Variants in CADM4 observed in about 807,000 individuals in gnomAD.
CADM4 encodes the protein TSLC1-like 2.
CADM4 carries 13 observed loss-of-function variants against 43.9 expected under a neutral mutation model. The observed-to-expected ratio is 0.30, with a 90% CI of 0.19 to 0.47. The LOEUF (loss-of-function observed/expected upper bound fraction) is 0.47. CADM4 is among the 20% of genes least tolerant of loss of function. CADM4 has a pLI of 1.00. For synonymous variants in CADM4, 209 were observed against 220.9 expected (o/e 0.95, Z 0.48); for missense variants, 420 against 527.0 (o/e 0.80, Z 1.99).
intron 1 of CADM4, among the ~76,000 whole-genome samples, chr19:43,638,010 A>G (rs1309275398): frequency 6.6e-6 from 1 of 152,216 alleles, no homozygotes; most frequent in Non-Finnish European, 1.5e-5. Context: ...CCTAAAAAAT[A>G]AAGATAAATT....
intron 1 of CADM4, among the ~76,000 whole-genome samples, chr19:43,638,948 TAG>T (rs1464739681): frequency 1.3e-5 from 2 of 150,748 alleles, no homozygotes; most frequent in Non-Finnish European, 3.0e-5. Flanking sequence ...GCTGTAAGCG[TAG>T]AGAGAGGAGG....
At chr19:43,634,019 G>T (rs906183791) in intron 1 of CADM4, among the ~76,000 whole-genome samples, 1 of 152,026 alleles carries the variant, frequency 6.6e-6, no homozygotes, top group Non-Finnish European at 1.5e-5. Context: ...ATTTCAGCCC[G>T]ACAACTTTGT....
intron 1 of CADM4, among the ~76,000 whole-genome samples, chr19:43,636,684 G>A (rs1374301996): frequency 6.7e-6 from 1 of 148,298 alleles, no homozygotes; most frequent in Non-Finnish European, 1.5e-5. Flanking sequence ...CATTAACCCA[G>A]CCTTAGGCCC....
chr19:43,626,422 C>T lies in CADM4; in HGVS notation c.500-134G>A, dbSNP rs12984887. On this transcript the variant is annotated intron_variant, in intron 4 of 8. Transcript: ENST00000222374. This position sits in a 1 kb window ranked among gnomAD's most constrained non-coding sequence, Gnocchi z 5.9. ...CAGGCCCCGCCTCTTGTCCTCCAAG[C>T]TACGCCCCTCCCCTAACCAAGCCCA... is the stretch of plus-strand genomic sequence containing the variant. 8.9e-7 allele frequency: 1 copy of T among 1,121,600 alleles called. No homozygotes were observed. Among genetic ancestry groups the T allele is most frequent in the African/African-American group, 1.5e-5 (1 of 65,186 alleles). The allele number at this position is 1,121,600 out of a possible 1,614,324, so 69.5% of individuals were successfully genotyped here.
intron 1 of CADM4, among the ~76,000 whole-genome samples, chr19:43,636,667 C>G (rs1250165349): frequency 6.6e-6 from 1 of 151,792 alleles, no homozygotes; most frequent in Non-Finnish European, 1.5e-5. Context: ...AGGCCAGGCT[C>G]GCACGACATT....
Position 43,627,121 on chromosome 19 carries a change from GAAGA to G in CADM4, c.364+41_364+44del. 6.6e-7 allele frequency: 1 copy of G among 1,523,752 alleles called. No individual in the cohort carries two copies. The highest frequency in any genetic ancestry group is 2.1e-5 in the Admixed American group (1 of 47,924). The allele number at this position is 1,523,752 out of a possible 1,614,324, so 94.4% of individuals were successfully genotyped here. A position where few individuals can be genotyped will look rare whatever the true frequency, so the allele number is the denominator to read the frequency against. ...AGTCTCAGGAGAAGAGAGAAGCAGA[GAAGA>G]AAGGAGGAGAGGATGCGTCTGACAA... On this transcript the variant is annotated intron_variant, in intron 3 of 8. Coordinates refer to ENST00000222374, the MANE Select transcript of CADM4 (RefSeq NM_145296.2). This position sits in a 1 kb window ranked among gnomAD's most constrained non-coding sequence, Gnocchi z 4.0.
chr19:43,640,088 C>A (rs1032615845), upstream of CADM4, among the ~76,000 whole-genome samples: 37 of 148,920 alleles, frequency 2.5e-4, no homozygotes, highest in African/African-American at 8.7e-4. Context: ...TCTCGGTGAG[C>A]GCGGGAAATG....
chr19:43,627,797 G>A lies in CADM4; in HGVS notation c.65-7C>T, dbSNP rs199948173. On this transcript the variant is annotated splice_polypyrimidine_tract_variant and splice_region_variant and intron_variant, in intron 1 of 8. Coordinates refer to ENST00000222374, the MANE Select transcript of CADM4 (RefSeq NM_145296.2). This position sits in a 1 kb window ranked among gnomAD's most constrained non-coding sequence, Gnocchi z 4.0. ...TGTACTTCCTGTCCTGCCCCTGGAC[G>A]ATTAGACAAAGAGACAGGATAGAAG... The A allele has an allele frequency of 6.2e-6, 10 of 1,600,820 alleles. No homozygotes were observed. The highest frequency in any genetic ancestry group is 2.8e-5 in the African/African-American group (2 of 72,078).
rs775584890 is a variant in CADM4, at chr19:43,639,793, TGCC to T, written c.-6_-4del. ...TGGAAGCGCCGGGCCCGGCCCATGG[TGCC>T]GCCGCCGCCGCCGCCGCCGCTCGCT... On this transcript the variant is annotated 5_prime_UTR_variant, in exon 1 of 9. Coordinates refer to ENST00000222374, the MANE Select transcript of CADM4 (RefSeq NM_145296.2). 600 of 987,714 alleles carry T rather than the reference TGCC, an allele frequency of 6.1e-4. No individual in the cohort carries two copies. The highest frequency in any genetic ancestry group is 2.5e-3 in the South Asian group (59 of 23,372). The allele number at this position is 987,714 out of a possible 1,614,324, so 61.2% of individuals were successfully genotyped here.
At position 43,625,067 on chromosome 19, in the gene CADM4, C is replaced by G. The variant is rs1373103256; in HGVS notation, c.928+11G>C. ...CGCCCCCGCCCTCAGTCGGCCGCAG[C>G]CTGCTCTCACCGTAGACCACAAGTA... On this transcript the variant is annotated intron_variant, in intron 7 of 8. Coordinates refer to ENST00000222374, the MANE Select transcript of CADM4 (RefSeq NM_145296.2). The surrounding 1 kb of genome is among the most constrained non-coding windows in gnomAD (Gnocchi z 4.5). 1.3e-6 allele frequency: 2 copies of G among 1,570,162 alleles called. No individual in the cohort carries two copies. Among genetic ancestry groups the G allele is most frequent in the Non-Finnish European group, 1.7e-6 (2 of 1,159,000 alleles).
In CADM4 at chr19:43,622,456, G is replaced by T. The variant is rs1973451486; in HGVS notation, c.*874C>A. 6.6e-6 allele frequency: 1 copy of T among 151,720 alleles called. No individual in the cohort carries two copies. The highest frequency in any genetic ancestry group is 2.4e-5 in the African/African-American group (1 of 41,240). 9.4% of individuals were successfully genotyped at this position (151,720 alleles called of 1,614,324 possible). A position where few individuals can be genotyped will look rare whatever the true frequency, so the allele number is the denominator to read the frequency against. On this transcript the variant is annotated 3_prime_UTR_variant, in exon 9 of 9. Coordinates refer to ENST00000222374, the MANE Select transcript of CADM4 (RefSeq NM_145296.2). ...CCACCCCGTACAAAATGTGTGTGTGGTTTTTTGTTTTTTGTTTTTTGTTTT... is the reference window on the plus strand; with the variant it reads ...CCACCCCGTACAAAATGTGTGTGTGTTTTTTTGTTTTTTGTTTTTTGTTTT...
rs1973533746 is a variant in CADM4 at position 43,626,725 on chromosome 19, A to T, written c.499+59T>A. 1 of 1,495,632 alleles carries T rather than the reference A, an allele frequency of 6.7e-7. No homozygotes were observed. The highest frequency in any genetic ancestry group is 1.4e-5 in the African/African-American group (1 of 70,864). 92.6% of individuals were successfully genotyped at this position (1,495,632 alleles called of 1,614,324 possible). On this transcript the variant is annotated intron_variant, in intron 4 of 8. Coordinates refer to ENST00000222374, the MANE Select transcript of CADM4 (RefSeq NM_145296.2). This position sits in a 1 kb window ranked among gnomAD's most constrained non-coding sequence, Gnocchi z 5.9. ...ACCTGTGGCTCCTCTCCACATATAA[A>T]CAACCTCTCCTAAGTCCCACCTCCT...
Position 43,627,086 on chromosome 19 carries a change from A to G in CADM4, c.364+80T>C. On this transcript the variant is annotated intron_variant, in intron 3 of 8. Transcript: ENST00000222374. The surrounding 1 kb of genome is among the most constrained non-coding windows in gnomAD (Gnocchi z 4.0). ...CCCATCCAGGATGTTAAAAATAGCC[A>G]TGGTCTGAAAGTCTCAGGAGAAGAG... 6.7e-7 allele frequency: 1 copy of G among 1,502,772 alleles called. No individual in the cohort carries two copies. The highest frequency in any genetic ancestry group is 8.9e-7 in the Non-Finnish European group (1 of 1,119,706). 93.1% of individuals were successfully genotyped at this position (1,502,772 alleles called of 1,614,324 possible). A position where few individuals can be genotyped will look rare whatever the true frequency, so the allele number is the denominator to read the frequency against.
Position 43,627,260 on chromosome 19 carries a change from C to T in CADM4, c.270G>A (p.Arg90=). 1 of 1,612,454 alleles carries T rather than the reference C, an allele frequency of 6.2e-7. No homozygotes were observed. The highest frequency in any genetic ancestry group is 8.5e-7 in the Non-Finnish European group (1 of 1,179,198). The stretch of plus-strand genomic sequence containing the variant: ...CGTCCTCCAGGCGGGCATCTGAGAG[C>T]CGGATCCGCACCCGGCGTGGGGAGA... ...EEFSPRRVRI[R]LSDARLEDEG... The change falls in exon 3 of 9, where the codon CGG becomes CGA. Residue 90 remains arginine (R), a synonymous_variant. Coordinates refer to ENST00000222374, the MANE Select transcript of CADM4 (RefSeq NM_145296.2). The surrounding 1 kb of genome is among the most constrained non-coding windows in gnomAD (Gnocchi z 4.0).
In CADM4 at chr19:43,623,069, A is replaced by G. The variant is rs1314406274; in HGVS notation, c.*261T>C. On this transcript the variant is annotated 3_prime_UTR_variant, in exon 9 of 9. Coordinates refer to ENST00000222374, the MANE Select transcript of CADM4 (RefSeq NM_145296.2). The surrounding 1 kb of genome is among the most constrained non-coding windows in gnomAD (Gnocchi z 4.4). ...GTTATCTTCCCCCAACCCAATCCCT[A>G]CTGCCCTCACTGGACTTGGGGGGTC... 1.4e-5 allele frequency: 5 copies of G among 354,100 alleles called. No individual in the cohort carries two copies. Among genetic ancestry groups the G allele is most frequent in the Admixed American group, 9.2e-5 (2 of 21,678 alleles). The allele number at this position is 354,100 out of a possible 1,614,324, so 21.9% of individuals were successfully genotyped here.
Position 43,626,647 on chromosome 19 carries a change from G to A in CADM4, c.499+137C>T. 1 of 1,192,232 alleles carries A rather than the reference G, an allele frequency of 8.4e-7. No individual in the cohort carries two copies. Among genetic ancestry groups the A allele is most frequent in the Non-Finnish European group, 1.1e-6 (1 of 871,704 alleles). 73.9% of individuals were successfully genotyped at this position (1,192,232 alleles called of 1,614,324 possible). A position where few individuals can be genotyped will look rare whatever the true frequency, so the allele number is the denominator to read the frequency against. On this transcript the variant is annotated intron_variant, in intron 4 of 8. Transcript: ENST00000222374. This position sits in a 1 kb window ranked among gnomAD's most constrained non-coding sequence, Gnocchi z 5.9. ...CAAAGTGCTAGGACTACAGGCGTGA[G>A]CCACCGCGCTCGACATCAACCACTA...
intron 1 of CADM4, among the ~76,000 whole-genome samples, chr19:43,635,254 G>A (rs1035217997): frequency 6.6e-6 from 1 of 152,032 alleles, no homozygotes; most frequent in Admixed American, 6.5e-5. Flanking sequence ...GGGGCTCCTG[G>A]CATCCTGCCT....
intron 1 of CADM4, among the ~76,000 whole-genome samples, chr19:43,637,811 AT>A (rs1005452391): frequency 2.6e-5 from 4 of 152,166 alleles, no homozygotes; most frequent in African/African-American, 9.7e-5. Flanking sequence ...AGACATCAAG[AT>A]TTCACGATTT....
chr19:43,622,616 C>T lies in CADM4; in HGVS notation c.*714G>A, dbSNP rs1336013888. The T allele has an allele frequency of 6.6e-6, 1 of 152,622 alleles. No individual in the cohort carries two copies. Among genetic ancestry groups the T allele is most frequent in the Non-Finnish European group, 1.5e-5 (1 of 68,070 alleles). The allele number at this position is 152,622 out of a possible 1,614,324, so 9.5% of individuals were successfully genotyped here. On this transcript the variant is annotated 3_prime_UTR_variant, in exon 9 of 9. Coordinates refer to ENST00000222374, the MANE Select transcript of CADM4 (RefSeq NM_145296.2). ...CCACGAATCCTCCCCAAACTCCTTT[C>T]CCCCTCCCCGGGGGGCCTGGAGGAG...
Sources: allele counts gnomAD v4.1 joint callset (sites outside exome capture counted in the v4.1 genomes callset), GRCh38; gene constraint gnomAD v4.1.1; non-coding constraint Gnocchi (gnomAD v3.1); transcripts MANE v1.5; gene names NCBI Gene and HGNC (gene_info 2026-07-23, HGNC 2026-07-21).